INCA1: variants seen among roughly 807,000 people sequenced by gnomAD.
INCA1 encodes the protein protein INCA1.
INCA1 carries 28 observed loss-of-function variants against 25.7 expected under a neutral mutation model. That is an observed-to-expected ratio of 1.09 (90% CI 0.81 to 1.49). The LOEUF is 1.49. INCA1 is among the 40% of genes most tolerant of loss of function. INCA1 has a pLI of 0.00. For missense variants in INCA1, 309 were observed against 290.9 expected, an observed-to-expected ratio of 1.06 and a Z score of -0.45; for synonymous variants, 111 against 103.6, an observed-to-expected ratio of 1.07 and a Z score of -0.43.
chr17:4,993,080 A>AT (rs1283473068), intron 2 of INCA1, among the ~76,000 whole-genome samples: 1 of 149,474 alleles, frequency 6.7e-6, no homozygotes, highest in African/African-American at 2.5e-5. Context: ...AGGTTTCACC[A>AT]TGTTGGCCAG....
rs757591950 is a variant in INCA1 at position 4,989,620 on chromosome 17, GCTCT to G, written c.199_202del (p.Arg67ProfsTer46). 19 of 1,613,386 alleles carry G rather than the reference GCTCT, an allele frequency of 1.2e-5. No homozygotes were observed. The highest frequency in any genetic ancestry group is 1.4e-5 in the Non-Finnish European group (16 of 1,179,640). ...CAGACCAAGCTGGGAGCAACCAGTGGCTCTCTGTGCCAGAGAATGGGGAAAAAGA... is the reference window on the plus strand; with the variant it reads ...CAGACCAAGCTGGGAGCAACCAGTGGCTGTGCCAGAGAATGGGGAAAAAGA... On this transcript the variant is annotated frameshift_variant and splice_region_variant, in exon 5 of 7. Coordinates refer to ENST00000576820, the Ensembl canonical transcript of INCA1. LOFTEE classifies it high-confidence loss of function.
chr17:4,993,323 G>C (rs1414564727), intron 2 of INCA1, among the ~76,000 whole-genome samples: 3 of 151,970 alleles, frequency 2.0e-5, no homozygotes, highest in Admixed American at 6.6e-5. Flanking sequence ...GGGATTACAG[G>C]CATGCGCCAC....
chr17:4,990,021 A>C (rs1973747597), intron 3 of INCA1, 92 bp from the exon 4 acceptor site: 1 of 1,612,104 alleles, frequency 6.2e-7, no homozygotes, highest in African/African-American at 1.3e-5. Flanking sequence ...CCTTTCTGTC[A>C]TTAGGAGCTA....
exon 5 of INCA1, chr17:4,989,501 C>T (rs1973677027): frequency 1.9e-6 from 3 of 1,614,234 alleles, no homozygotes; most frequent in Non-Finnish European, 2.5e-6. Context: ...GCGGGGACTC[C>T]CCCAAGGCCC....
Position 4,994,502 on chromosome 17 carries a change from T to C in INCA1, c.-38-27A>G, listed in dbSNP as rs925964112. The C allele has an allele frequency of 4.4e-6, 7 of 1,574,960 alleles. No homozygotes were observed. In the East Asian group the frequency reaches 1.6e-4, roughly 35 times the overall value. ...TGGGAGGATAATGGAAAAGAAGTCA[T>C]TCATTCGGGCTGGATGTGGTGGCTC... On this transcript the variant is annotated intron_variant, in intron 1 of 6. Transcript: ENST00000576820.
intron 2 of INCA1, among the ~76,000 whole-genome samples, chr17:4,992,727 A>G (rs1285608577): frequency 2.5e-5 from 2 of 80,872 alleles, no homozygotes; most frequent in African/African-American, 5.0e-5. Context: ...CTTTCTTTTT[A>G]GAGACAGGGA....
At chr17:4,992,589 T>C (rs906155152) in intron 2 of INCA1, among the ~76,000 whole-genome samples, 1 of 150,958 alleles carries the variant, frequency 6.6e-6, no homozygotes, top group African/African-American at 2.4e-5. Context: ...CGGCCTATAC[T>C]TGTTTTATTT....
chr17:4,992,219 GA>G (rs11341150), intron 2 of INCA1, among the ~76,000 whole-genome samples: 5,575 of 152,158 alleles, frequency 0.037, 363 homozygotes, highest in African/African-American at 0.13. Context: ...AAAGTTGAAG[GA>G]AAAAAGGCTG....
At chr17:4,992,763 G>A (rs561520004) in intron 2 of INCA1, among the ~76,000 whole-genome samples, 27 of 131,670 alleles carry the variant, frequency 2.1e-4, no homozygotes, top group African/African-American at 7.4e-4. Context: ...AGGCTGGAGT[G>A]CAGTGCTGTA....
chr17:4,992,647 CCTCCCCT>C (rs1379442652), intron 2 of INCA1, among the ~76,000 whole-genome samples: 2 of 112,518 alleles, frequency 1.8e-5, no homozygotes, highest in African/African-American at 5.8e-5. Flanking sequence ...CTTCCCCTCC[CCTCCCCT>C]CTTTTCCTTT....
intron 6 of INCA1, 75 bp from the exon 7 acceptor site, chr17:4,988,629 T>C: frequency 6.3e-7 from 1 of 1,583,010 alleles, no homozygotes; most frequent in Non-Finnish European, 8.6e-7. Context: ...TACCCAAGCT[T>C]AGGTACCTCG....
chr17:4,994,263 A>C (rs1974074319), intron 2 of INCA1, 131 bp downstream of exon 2: 1 of 826,736 alleles, frequency 1.2e-6, no homozygotes, highest in East Asian at 2.6e-5. Context: ...TAAATTAATG[A>C]ATCATCAATC....
intron 1 of INCA1, among the ~76,000 whole-genome samples, chr17:4,996,291 C>T (rs1974255650): frequency 6.6e-6 from 1 of 151,478 alleles, no homozygotes; most frequent in Non-Finnish European, 1.5e-5. Context: ...GTGGGAGTGT[C>T]ATCTGAGCCC....
chr17:4,993,524 A>G (rs1411548445), intron 2 of INCA1, among the ~76,000 whole-genome samples: 1 of 150,664 alleles, frequency 6.6e-6, no homozygotes, highest in African/African-American at 2.4e-5. Flanking sequence ...GCTGGAGTGC[A>G]GTGGTGTGAT....
chr17:4,996,264 G>C (rs1355231756), intron 1 of INCA1, among the ~76,000 whole-genome samples: 1 of 151,706 alleles, frequency 6.6e-6, no homozygotes, highest in Non-Finnish European at 1.5e-5. Context: ...GTGTGCGCTT[G>C]TACCCGGAAG....
rs537735021 is a variant in INCA1 at position 4,992,400 on chromosome 17, A to G, written c.44+1994T>C. 2.6e-5 allele frequency among the ~76,000 whole-genome samples: 4 copies of G among 151,560 alleles called. No individual in the cohort carries two copies. In the South Asian group the frequency reaches 8.3e-4, roughly 32 times the overall value. ...TGGGCTCAAGCAATCCTCCTGCCTC[A>G]GCCTCCTGAGTGCTGGGACTACAGG... On this transcript the variant is annotated intron_variant, in intron 2 of 6. Coordinates refer to ENST00000576820, the Ensembl canonical transcript of INCA1.
intron 1 of INCA1, among the ~76,000 whole-genome samples, chr17:4,995,048 A>G (rs1362391007): frequency 1.3e-5 from 2 of 151,974 alleles, no homozygotes; most frequent in African/African-American, 2.4e-5. Flanking sequence ...TCTACTAAAA[A>G]TACAAAATTA....
intron 2 of INCA1, among the ~76,000 whole-genome samples, chr17:4,992,628 C>G (rs1973948290): frequency 6.9e-6 from 1 of 145,334 alleles, no homozygotes; most frequent in East Asian, 2.0e-4. Context: ...CTCTCCTCCC[C>G]TCTCCTCCCT....
At chr17:4,992,366 T>C (rs1276313804) in intron 2 of INCA1, among the ~76,000 whole-genome samples, 5 of 152,042 alleles carry the variant, frequency 3.3e-5, no homozygotes, top group Admixed American at 2.0e-4. Context: ...CACTGCAGCC[T>C]CAAATTCCTG....
Sources: allele counts gnomAD v4.1 joint callset (sites outside exome capture counted in the v4.1 genomes callset), GRCh38; gene constraint gnomAD v4.1.1; transcripts MANE v1.5; gene names NCBI Gene and HGNC (gene_info 2026-07-23, HGNC 2026-07-21).